The following ENPP6 variants were observed in gnomAD, a reference collection of about 807,000 sequenced individuals.
ENPP6 encodes ectonucleotide pyrophosphatase/phosphodiesterase 6.
In ENPP6, 32 loss-of-function variants were observed where a neutral mutation model predicts 42.0. That is an observed-to-expected ratio of 0.76 (90% CI 0.58 to 1.02). The LOEUF (loss-of-function observed/expected upper bound fraction) is 1.02, where lower values mean the gene tolerates loss of function less well. Ranked by LOEUF, ENPP6 falls within the 50% of genes least tolerant of loss-of-function variation. ENPP6 has a pLI of 0.00. For missense variants in ENPP6, 552 were observed against 566.8 expected, an observed-to-expected ratio of 0.97 and a Z score of 0.27; for synonymous variants, 213 against 216.0, an observed-to-expected ratio of 0.99 and a Z score of 0.12.
chr4:184,152,932 T>TTA (rs1737081008), intron 2 of ENPP6, among the ~76,000 whole-genome samples: 2 of 151,926 alleles, frequency 1.3e-5, no homozygotes, highest in Admixed American at 6.6e-5. Context: ...ACACTGTTTT[T>TTA]TTTTTTGTAA....
At chr4:184,116,809 A>T (rs781510597) in intron 5 of ENPP6, 47 bp downstream of exon 5, 1 of 1,605,614 alleles carries the variant, frequency 6.2e-7, no homozygotes, top group Non-Finnish European at 8.5e-7. Context: ...ATGGCAACAC[A>T]CGAGGGCCCA....
chr4:184,132,420 A>G (rs1311713687), intron 2 of ENPP6, among the ~76,000 whole-genome samples: 5 of 152,054 alleles, frequency 3.3e-5, no homozygotes, highest in Non-Finnish European at 7.4e-5. Flanking sequence ...ATTTATAGGA[A>G]TTGTGCATAT....
At chr4:184,099,968 A>G (rs1015445438) in intron 6 of ENPP6, among the ~76,000 whole-genome samples, 3 of 152,268 alleles carry the variant, frequency 2.0e-5, no homozygotes, top group Non-Finnish European at 2.9e-5. Context: ...GCCCCATGGC[A>G]AAGAACAGAA....
At chr4:184,201,434 G>A (rs1732902484) in intron 1 of ENPP6, among the ~76,000 whole-genome samples, 3 of 152,130 alleles carry the variant, frequency 2.0e-5, no homozygotes, top group Admixed American at 6.5e-5. Context: ...TTGTGAGATC[G>A]CCATGGTGTG....
intron 2 of ENPP6, among the ~76,000 whole-genome samples, chr4:184,147,905 T>C (rs141150854): frequency 9.7e-4 from 147 of 152,272 alleles, no homozygotes; most frequent in Middle Eastern, 3.4e-3. Context: ...TTCAGTGTCT[T>C]GAAACTTGCA....
intron 6 of ENPP6, among the ~76,000 whole-genome samples, chr4:184,109,233 C>CAACA (rs1553994788): frequency 9.8e-6 from 1 of 101,542 alleles, no homozygotes; most frequent in Non-Finnish European, 2.1e-5. Context: ...ACAACAACAA[C>CAACA]AAAAAAAAAC....
chr4:184,128,116 T>G (rs945317674), intron 2 of ENPP6, among the ~76,000 whole-genome samples: 1 of 152,234 alleles, frequency 6.6e-6, no homozygotes, highest in Admixed American at 6.5e-5. Context: ...CAGGAAGCAT[T>G]AATACTGAAT....
chr4:184,133,550 T>A (rs1736679798), intron 2 of ENPP6, among the ~76,000 whole-genome samples: 1 of 152,126 alleles, frequency 6.6e-6, no homozygotes. Flanking sequence ...TAATGACAGT[T>A]TTTTGCCTTT....
chr4:184,125,111 C>T (rs899656601), intron 2 of ENPP6, among the ~76,000 whole-genome samples: 2 of 152,124 alleles, frequency 1.3e-5, no homozygotes, highest in African/African-American at 4.8e-5. Flanking sequence ...AGAGTTTAGT[C>T]TAGTGGGAGG....
intron 3 of ENPP6, among the ~76,000 whole-genome samples, chr4:184,121,415 C>T (rs1462935582): frequency 1.3e-5 from 2 of 152,218 alleles, no homozygotes; most frequent in Non-Finnish European, 2.9e-5. Context: ...CAAAGCCCAT[C>T]TATCCTGGGT....
chr4:184,180,269 T>A (rs1017158971), intron 1 of ENPP6, among the ~76,000 whole-genome samples: 3 of 152,092 alleles, frequency 2.0e-5, no homozygotes, highest in African/African-American at 7.2e-5. Flanking sequence ...AAGAAATGGA[T>A]AAATTCCTGG....
intron 6 of ENPP6, among the ~76,000 whole-genome samples, chr4:184,102,151 C>T (rs995997253): frequency 6.6e-6 from 1 of 152,194 alleles, no homozygotes; most frequent in South Asian, 2.1e-4. Flanking sequence ...GCTTTACCTC[C>T]GAATCAGAAA....
At chr4:184,166,708 A>G (rs1026726968) in intron 1 of ENPP6, among the ~76,000 whole-genome samples, 2 of 152,140 alleles carry the variant, frequency 1.3e-5, no homozygotes, top group Non-Finnish European at 2.9e-5. Flanking sequence ...GCTTCTCAAA[A>G]GATGGTAGAT....
At chr4:184,097,396 C>T (rs1333365835) in intron 6 of ENPP6, 28 bp from the exon 7 acceptor site, 1 of 1,613,034 alleles carries the variant, frequency 6.2e-7, no homozygotes, top group East Asian at 2.2e-5. Flanking sequence ...AGACACATGA[C>T]ACTACGTCCT....
intron 2 of ENPP6, among the ~76,000 whole-genome samples, chr4:184,145,995 G>T (rs1283967675): frequency 6.6e-6 from 1 of 151,184 alleles, no homozygotes; most frequent in Non-Finnish European, 1.5e-5. Flanking sequence ...GAATATTCAT[G>T]ACTCTGTGAT....
chr4:184,161,262 A>G (rs1579642350), intron 1 of ENPP6, among the ~76,000 whole-genome samples: 1 of 152,272 alleles, frequency 6.6e-6, no homozygotes, highest in East Asian at 1.9e-4. Context: ...AAGAAGATAT[A>G]CAAATGACCA....
At chr4:184,185,804 G>A (rs999215712) in intron 1 of ENPP6, among the ~76,000 whole-genome samples, 44 of 152,166 alleles carry the variant, frequency 2.9e-4, no homozygotes, top group African/African-American at 9.9e-4. Context: ...GCAACCAAAC[G>A]TACTGCTTGA....
At chr4:184,134,921 T>C (rs1022170007) in intron 2 of ENPP6, among the ~76,000 whole-genome samples, 1 of 151,682 alleles carries the variant, frequency 6.6e-6, no homozygotes, top group African/African-American at 2.4e-5. Context: ...TTACTATACC[T>C]CAGTTCAAGA....
Position 184,172,033 on chromosome 4 carries a change from T to C in ENPP6, c.242-18300A>G, listed in dbSNP as rs116720835. 7.9e-3 allele frequency among the ~76,000 whole-genome samples: 1,187 copies of C among 149,810 alleles called. 15 individuals are homozygous for C. Among genetic ancestry groups the C allele is most frequent in the African/African-American group, 0.028 (1,134 of 40,578 alleles). On this transcript the variant is annotated intron_variant, in intron 1 of 7. Transcript: ENST00000296741. The stretch of plus-strand genomic sequence containing the variant: ...GGCGGCCGGGAGGGTTTGGAGGGGG[T>C]GGTGAGATGACGCTTGAGTGGTGGC...
Sources: gnomAD v4.1 joint callset for allele counts (sites outside exome capture counted in the v4.1 genomes callset) on GRCh38, gnomAD v4.1.1 for gene constraint, MANE v1.5 for transcripts, NCBI Gene and HGNC (gene_info 2026-07-23, HGNC 2026-07-21) for gene names.